Variants in DACH1 observed in about 807,000 individuals in gnomAD.
DACH1 encodes dachshund family transcription factor 1.
Under a neutral mutation model 54.2 loss-of-function variants are expected in DACH1, and 12 were observed. The observed-to-expected ratio is 0.22, with a 90% CI of 0.14 to 0.36. The LOEUF (loss-of-function observed/expected upper bound fraction) is 0.36. Ranked by LOEUF, DACH1 falls within the 10% of genes least tolerant of loss-of-function variation. DACH1 has a pLI of 1.00. For missense variants in DACH1, 805 were observed against 929.8 expected, an observed-to-expected ratio of 0.87 and a Z score of 1.75; for synonymous variants, 386 against 366.2, an observed-to-expected ratio of 1.05 and a Z score of -0.62.
intron 2 of DACH1, among the ~76,000 whole-genome samples, chr13:71,664,454 T>C (rs1161146022): frequency 6.6e-6 from 1 of 152,010 alleles, no homozygotes; most frequent in East Asian, 1.9e-4. Context: ...AAACAATCTC[T>C]ATTCCCTGTT....
At chr13:71,653,221 C>T (rs908847585) in intron 2 of DACH1, among the ~76,000 whole-genome samples, 1 of 152,158 alleles carries the variant, frequency 6.6e-6, no homozygotes, top group Non-Finnish European at 1.5e-5. Flanking sequence ...GCCCCTAAAT[C>T]CATGCTCAAA....
intron 1 of DACH1, among the ~76,000 whole-genome samples, chr13:71,848,813 C>T (rs1873470383): frequency 6.6e-6 from 1 of 152,192 alleles, no homozygotes; most frequent in African/African-American, 2.4e-5. Flanking sequence ...GTGTGAGCTA[C>T]CTCACCTGGC....
chr13:71,510,942 A>T (rs1436850782), intron 6 of DACH1, among the ~76,000 whole-genome samples: 2 of 152,054 alleles, frequency 1.3e-5, no homozygotes, highest in Non-Finnish European at 2.9e-5. Context: ...AAAAAACCTG[A>T]ACCTTAAAGA....
chr13:71,514,942 A>G (rs964317334), intron 6 of DACH1, among the ~76,000 whole-genome samples: 1 of 151,884 alleles, frequency 6.6e-6, no homozygotes, highest in African/African-American at 2.4e-5. Context: ...TAAATCTACA[A>G]TGTTTTCTTC....
rs1874726284 is a variant in DACH1 at position 71,865,952 on chromosome 13, T to C, written c.818A>G (p.Glu273Gly). 6.2e-7 allele frequency: 1 copy of C among 1,613,632 alleles called. No individual in the cohort carries two copies. The highest frequency in any genetic ancestry group is 8.5e-7 in the Non-Finnish European group (1 of 1,179,874). Residue 273 changes from glutamate to glycine, a missense_variant, in exon 1 of 11, where the codon GAG (glutamate) becomes GGG (glycine). Glu to Gly is a moderately conservative substitution (Grantham distance 98). This residue lies in a region of DACH1 where 472 missense variants were observed against 545.3 expected (regional missense o/e 0.87). Coordinates refer to ENST00000613252, the MANE Select transcript of DACH1 (RefSeq NM_080759.6). The stretch of plus-strand genomic sequence containing the variant: ...GTTGGTGCAGTCATTGTAGAGGGTC[T>C]CGAAGTCCTTCCTGGAGATGAGTTT... Reference protein sequence around the residue: ...RCKLISRKDFETLYNDCTNAS... With the variant: ...RCKLISRKDFGTLYNDCTNAS...
Position 71,720,112 on chromosome 13 carries a change from T to G in DACH1, c.849-38202A>C, listed in dbSNP as rs142220861. On this transcript the variant is annotated intron_variant, in intron 1 of 10. Transcript: ENST00000613252. ...AAGATGAGACTTGAATATCAAGAAG[T>G]TAGCAGCTATGGATGGGTGAAGCTA... Among the ~76,000 whole-genome samples, 62 of 152,252 alleles carry G rather than the reference T, an allele frequency of 4.1e-4. 1 individual carries two copies. The East Asian group carries it at 8.7e-3, about 21-fold the overall frequency.
intron 7 of DACH1, among the ~76,000 whole-genome samples, chr13:71,485,509 CAT>C (rs1961888296): frequency 6.9e-6 from 1 of 144,560 alleles, no homozygotes; most frequent in South Asian, 2.2e-4. Context: ...TATATATCAA[CAT>C]AGGATTTTTT....
intron 3 of DACH1, among the ~76,000 whole-genome samples, chr13:71,616,785 A>C (rs968731732): frequency 6.6e-6 from 1 of 152,046 alleles, no homozygotes; most frequent in Non-Finnish European, 1.5e-5. Flanking sequence ...AGAATAGTGT[A>C]AAAGTGGGAA....
At chr13:71,640,491 T>C (rs985925171) in intron 2 of DACH1, among the ~76,000 whole-genome samples, 3 of 152,072 alleles carry the variant, frequency 2.0e-5, no homozygotes, top group Non-Finnish European at 4.4e-5. Flanking sequence ...AGTAAATAAA[T>C]TATTCTTCTC....
intron 6 of DACH1, among the ~76,000 whole-genome samples, chr13:71,535,605 C>A (rs1041973132): frequency 1.1e-4 from 16 of 151,784 alleles, no homozygotes; most frequent in Non-Finnish European, 2.1e-4. Context: ...TTTTTCCCCC[C>A]AAGACACTGC....
Position 71,475,771 on chromosome 13 carries a change from C to T in DACH1, c.1949G>A (p.Arg650Gln), listed in dbSNP as rs769171249. 2 of 1,613,684 alleles carry T rather than the reference C, an allele frequency of 1.2e-6. No individual in the cohort carries two copies. Among genetic ancestry groups the T allele is most frequent in the East Asian group, 4.5e-5 (2 of 44,818 alleles). Reference sequence around the variant, plus strand: ...TAGCGTCTGTTCTGCTTGTTCACGCCGTTTCGTCTCAAACTCAAGTGCTTC... The same window carrying T: ...TAGCGTCTGTTCTGCTTGTTCACGCTGTTTCGTCTCAAACTCAAGTGCTTC... Reference protein sequence around the residue: ...LQEALEFETKRREQAEQTLKQ... With the variant: ...LQEALEFETKQREQAEQTLKQ... The change falls in exon 9 of 11, where the codon CGG becomes CAG. Residue 650 changes from arginine (R) to glutamine (Q), a missense_variant. Coordinates refer to ENST00000613252, the MANE Select transcript of DACH1 (RefSeq NM_080759.6).
chr13:71,630,033 A>G (rs558364328), intron 3 of DACH1, among the ~76,000 whole-genome samples: 2 of 152,258 alleles, frequency 1.3e-5, no homozygotes, highest in African/African-American at 4.8e-5. Context: ...AGAAAATTAA[A>G]GTCATATTTT....
chr13:71,824,425 C>T (rs541195928), intron 1 of DACH1, among the ~76,000 whole-genome samples: 2 of 151,970 alleles, frequency 1.3e-5, no homozygotes, highest in Admixed American at 6.6e-5. Flanking sequence ...CCATTAATTG[C>T]TGAATGTCAC....
intron 2 of DACH1, among the ~76,000 whole-genome samples, chr13:71,641,149 G>A (rs531787351): frequency 1.3e-5 from 2 of 152,002 alleles, no homozygotes; most frequent in Admixed American, 6.6e-5. Flanking sequence ...TGGAAAATAC[G>A]TGGCCACAAA....
chr13:71,822,568 G>A (rs947915553), intron 1 of DACH1, among the ~76,000 whole-genome samples: 1 of 152,082 alleles, frequency 6.6e-6, no homozygotes, highest in Non-Finnish European at 1.5e-5. Flanking sequence ...AACTTTCCTC[G>A]ATTAGCGTTA....
At chr13:71,495,622 T>C (rs1328922606) in intron 6 of DACH1, among the ~76,000 whole-genome samples, 1 of 152,042 alleles carries the variant, frequency 6.6e-6, no homozygotes, top group Non-Finnish European at 1.5e-5. Context: ...AATTTAGCAG[T>C]AGATACTAAT....
chr13:71,519,111 T>C (rs1053479567), intron 6 of DACH1, among the ~76,000 whole-genome samples: 2 of 151,804 alleles, frequency 1.3e-5, no homozygotes, highest in Non-Finnish European at 2.9e-5. Context: ...TCTCTCCCTT[T>C]ATAGAAAAAA....
intron 3 of DACH1, among the ~76,000 whole-genome samples, chr13:71,601,084 C>T (rs1330368054): frequency 6.6e-6 from 1 of 151,942 alleles, no homozygotes; most frequent in Non-Finnish European, 1.5e-5. Context: ...TTTTTATTCT[C>T]TATCTATCTA....
At chr13:71,498,960 C>CCAT (rs1879674183) in intron 6 of DACH1, among the ~76,000 whole-genome samples, 2 of 152,062 alleles carry the variant, frequency 1.3e-5, no homozygotes, top group Non-Finnish European at 2.9e-5. Flanking sequence ...GACAGCAAAT[C>CCAT]CATCATTATC....
Sources: gnomAD v4.1 joint callset for allele counts (sites outside exome capture counted in the v4.1 genomes callset) on GRCh38, gnomAD v4.1.1 for gene constraint, gnomAD v4.1.1 regional missense constraint, MANE v1.5 for transcripts, NCBI Gene and HGNC (gene_info 2026-07-23, HGNC 2026-07-21) for gene names.